Variants in TBC1D15 observed in about 807,000 individuals in gnomAD.
TBC1D15 encodes the protein TBC1 domain family member 15, also known as GAP for RAB7.
Under a neutral mutation model 95.4 loss-of-function variants are expected in TBC1D15, and 39 were observed. That is an observed-to-expected ratio of 0.41 (90% CI 0.32 to 0.53). The LOEUF (loss-of-function observed/expected upper bound fraction) is 0.53, where lower values mean the gene tolerates loss of function less well. Ranked by LOEUF, TBC1D15 falls within the 20% of genes least tolerant of loss-of-function variation. The probability of loss-of-function intolerance (pLI) is 0.29; values close to 1 mark genes in which losing one functional copy is unlikely to be tolerated. For missense variants in TBC1D15, 733 were observed against 794.3 expected (o/e 0.92, Z 0.93); for synonymous variants, 258 against 261.3 (o/e 0.99, Z 0.12).
chr12:71,865,087 G>A (rs1891201413), intron 1 of TBC1D15, among the ~76,000 whole-genome samples: 1 of 152,190 alleles, frequency 6.6e-6, no homozygotes, highest in Admixed American at 6.5e-5. Flanking sequence ...TGGCCCATAA[G>A]CAGCTGCAGT....
At chr12:71,858,535 A>G (rs964299974) in intron 1 of TBC1D15, among the ~76,000 whole-genome samples, 1 of 141,532 alleles carries the variant, frequency 7.1e-6, no homozygotes, top group African/African-American at 2.6e-5. Flanking sequence ...ACTGGATCAT[A>G]TGCTAATTTT....
chr12:71,875,775 T>C (rs1471408705), intron 3 of TBC1D15, among the ~76,000 whole-genome samples: 8 of 151,890 alleles, frequency 5.3e-5, no homozygotes, highest in Non-Finnish European at 5.9e-5. Context: ...TTCTCATAAT[T>C]TTTTATTAAA....
intron 6 of TBC1D15, chr12:71,894,267 T>A: frequency 6.9e-7 from 1 of 1,441,688 alleles, no homozygotes; most frequent in South Asian, 1.2e-5. Context: ...CCATCAAATA[T>A]TTTGTGTCAG....
chr12:71,852,421 C>T (rs1020093738), intron 1 of TBC1D15, among the ~76,000 whole-genome samples: 5 of 152,244 alleles, frequency 3.3e-5, no homozygotes, highest in Non-Finnish European at 7.3e-5. Context: ...ACTTGCCTTT[C>T]TGGTAGTTAT....
At chr12:71,911,702 A>C in intron 11 of TBC1D15, among the ~76,000 whole-genome samples, 1 of 151,814 alleles carries the variant, frequency 6.6e-6, no homozygotes, top group African/African-American at 2.4e-5. Flanking sequence ...GCAGCACACC[A>C]GCATGGCACA....
intron 10 of TBC1D15, among the ~76,000 whole-genome samples, chr12:71,902,449 G>C (rs987322677): frequency 6.6e-6 from 1 of 152,132 alleles, no homozygotes. Flanking sequence ...TCTGATCTTC[G>C]ACAGAGCTGA....
chr12:71,851,306 C>G (rs1592694520), intron 1 of TBC1D15, among the ~76,000 whole-genome samples: 1 of 152,078 alleles, frequency 6.6e-6, no homozygotes, highest in East Asian at 1.9e-4. Context: ...CCACTATTAC[C>G]TCCCCCCAGG....
chr12:71,857,453 G>T (rs1017294772), intron 1 of TBC1D15, among the ~76,000 whole-genome samples: 1 of 152,114 alleles, frequency 6.6e-6, no homozygotes, highest in Non-Finnish European at 1.5e-5. Context: ...ATAAGAAGCA[G>T]AATGTTCTAT....
At chr12:71,901,739 G>A (rs1899437794) in intron 10 of TBC1D15, among the ~76,000 whole-genome samples, 1 of 151,982 alleles carries the variant, frequency 6.6e-6, no homozygotes, top group Non-Finnish European at 1.5e-5. Flanking sequence ...TATTCAGCAT[G>A]GTACTATAAT....
At chr12:71,900,747 A>G (rs1218759473) in intron 10 of TBC1D15, among the ~76,000 whole-genome samples, 1 of 152,144 alleles carries the variant, frequency 6.6e-6, no homozygotes, top group Non-Finnish European at 1.5e-5. Context: ...TGTTAGTGAT[A>G]CATGCCAAAT....
chr12:71,863,016 A>T (rs1266746934), intron 1 of TBC1D15, among the ~76,000 whole-genome samples: 1 of 152,160 alleles, frequency 6.6e-6, no homozygotes, highest in Non-Finnish European at 1.5e-5. Context: ...CTTGGCTGGA[A>T]GTATTTTTCT....
In TBC1D15 at chr12:71,924,027, T is replaced by C. The variant is rs183375265; in HGVS notation, c.*823T>C. 41 of 152,714 alleles carry C rather than the reference T, an allele frequency of 2.7e-4. No individual in the cohort carries two copies. The highest frequency in any genetic ancestry group is 9.6e-4 in the African/African-American group (40 of 41,586). The allele number at this position is 152,714 out of a possible 1,614,324, so 9.5% of individuals were successfully genotyped here. On this transcript the variant is annotated 3_prime_UTR_variant, in exon 17 of 17. Transcript: ENST00000485960. ...TGGTGTAATTTTAAAATTAATTGCT[T>C]GTAACCTCACTTTACTAATAATGTT...
chr12:71,863,203 C>G (rs1194557860), intron 1 of TBC1D15, among the ~76,000 whole-genome samples: 2 of 151,928 alleles, frequency 1.3e-5, no homozygotes, highest in African/African-American at 2.4e-5. Context: ...ATGGTGAAAC[C>G]CCGTTTCTAC....
chr12:71,844,872 G>T (rs1344045636), intron 1 of TBC1D15, among the ~76,000 whole-genome samples: 2 of 152,110 alleles, frequency 1.3e-5, no homozygotes, highest in Non-Finnish European at 2.9e-5. Flanking sequence ...ACTTTTCCTT[G>T]TGTGTGTTTT....
intron 1 of TBC1D15, among the ~76,000 whole-genome samples, chr12:71,852,879 T>G (rs1394072939): frequency 2.0e-5 from 3 of 152,164 alleles, no homozygotes; most frequent in African/African-American, 7.2e-5. Flanking sequence ...TTCCAAACTT[T>G]CCCTCATCTT....
chr12:71,878,540 G>A (rs1894447017), intron 3 of TBC1D15, among the ~76,000 whole-genome samples: 1 of 150,970 alleles, frequency 6.6e-6, no homozygotes, highest in African/African-American at 2.4e-5. Flanking sequence ...TTTTTTGGAG[G>A]AGTCTCTCTC....
chr12:71,884,918 G>A lies in TBC1D15; in HGVS notation c.451G>A (p.Val151Ile). The A allele has an allele frequency of 4.3e-6, 7 of 1,614,010 alleles. No homozygotes were observed. Among genetic ancestry groups the A allele is most frequent in the Non-Finnish European group, 5.9e-6 (7 of 1,179,938 alleles). ...AGAGGGTATGGGCTGGTCCTATTTG[G>A]TATTCTGTCTAAAGGATGACGTCGT... ...NKEGMGWSYL[V>I]FCLKDDVVLP... The change falls in exon 5 of 17, where the codon GTA becomes ATA. Residue 151 changes from valine (V) to isoleucine (I), a missense_variant. Coordinates refer to ENST00000485960, the MANE Select transcript of TBC1D15 (RefSeq NM_001146213.3).
chr12:71,860,754 G>A (rs1890195142), intron 1 of TBC1D15, among the ~76,000 whole-genome samples: 2 of 152,132 alleles, frequency 1.3e-5, no homozygotes, highest in Admixed American at 6.5e-5. Context: ...AGGACTTCCA[G>A]TACGGTGTTG....
intron 16 of TBC1D15, among the ~76,000 whole-genome samples, chr12:71,922,580 A>C (rs530094440): frequency 1.3e-5 from 2 of 152,306 alleles, no homozygotes; most frequent in African/African-American, 2.4e-5. Context: ...AGTTCTACAA[A>C]CATTTATTTG....
Sources: gnomAD v4.1 joint callset for allele counts (sites outside exome capture counted in the v4.1 genomes callset) on GRCh38, gnomAD v4.1.1 for gene constraint, MANE v1.5 for transcripts, NCBI Gene and HGNC (gene_info 2026-07-23, HGNC 2026-07-21) for gene names.